CSMD1: variants seen among roughly 807,000 people sequenced by gnomAD.
The protein encoded by CSMD1 is CUB and Sushi multiple domains 1.
CSMD1 carries 213 observed loss-of-function variants against 417.5 expected under a neutral mutation model. The observed-to-expected ratio is 0.51, with a 90% CI of 0.46 to 0.57. CSMD1 has a LOEUF of 0.57. Ranked by LOEUF, CSMD1 falls within the 20% of genes least tolerant of loss-of-function variation. The pLI is 0.00. For synonymous variants in CSMD1, 2,862 were observed against 1,736.8 expected (o/e 1.65, Z -16.11); for missense variants, 6,923 against 4,529.7 (o/e 1.53, Z -15.17).
intron 5 of CSMD1, among the ~76,000 whole-genome samples, chr8:3,912,012 T>C (rs750345813): frequency 6.6e-5 from 10 of 152,226 alleles, no homozygotes; most frequent in South Asian, 2.1e-4. Flanking sequence ...GGATCACCAA[T>C]TGTCATATAG....
intron 10 of CSMD1, among the ~76,000 whole-genome samples, chr8:3,494,830 G>T (rs1164385017): frequency 6.6e-6 from 1 of 152,146 alleles, no homozygotes; most frequent in Non-Finnish European, 1.5e-5. Context: ...GAATGAAACA[G>T]AAATTCTGAA....
chr8:3,582,573 T>C (rs1584919987), intron 9 of CSMD1, among the ~76,000 whole-genome samples: 2 of 152,182 alleles, frequency 1.3e-5, no homozygotes, highest in African/African-American at 4.8e-5. Context: ...TGTCTAAACT[T>C]GCGCTGTCAT....
intron 1 of CSMD1, among the ~76,000 whole-genome samples, chr8:4,842,340 A>G (rs998276996): frequency 2.4e-4 from 36 of 152,240 alleles, no homozygotes; most frequent in African/African-American, 8.7e-4. Flanking sequence ...TGGACTTTTA[A>G]TATCTGACTT....
At chr8:3,018,145 A>T (rs75386347) in intron 52 of CSMD1, among the ~76,000 whole-genome samples, 8,037 of 152,338 alleles carry the variant, frequency 0.053, 222 homozygotes, top group East Asian at 0.071. Context: ...ACATAATTTT[A>T]AAATTTTTAA....
intron 6 of CSMD1, among the ~76,000 whole-genome samples, chr8:3,742,326 G>A (rs1202351125): frequency 3.9e-5 from 6 of 152,158 alleles, no homozygotes; most frequent in Non-Finnish European, 7.4e-5. Context: ...CAGGGAGACA[G>A]TCCATAACTT....
At chr8:4,477,410 C>A (rs1180556235) in intron 2 of CSMD1, among the ~76,000 whole-genome samples, 1 of 152,184 alleles carries the variant, frequency 6.6e-6, no homozygotes, top group Non-Finnish European at 1.5e-5. Context: ...GGACTTGGTG[C>A]TGAGCAAAAT....
intron 26 of CSMD1, among the ~76,000 whole-genome samples, chr8:3,251,491 G>A (rs924679573): frequency 2.3e-4 from 35 of 152,138 alleles, no homozygotes; most frequent in Non-Finnish European, 4.7e-4. Flanking sequence ...TTGAAGTCAG[G>A]TAGCATGATG....
At chr8:3,652,616 A>G (rs1265687686) in intron 7 of CSMD1, among the ~76,000 whole-genome samples, 1 of 152,180 alleles carries the variant, frequency 6.6e-6, no homozygotes, top group East Asian at 1.9e-4. Flanking sequence ...GAGCTCGCGC[A>G]AGGGAGCTCC....
At chr8:3,570,507 C>A (rs1181569080) in intron 10 of CSMD1, among the ~76,000 whole-genome samples, 1 of 152,146 alleles carries the variant, frequency 6.6e-6, no homozygotes, top group Non-Finnish European at 1.5e-5. Flanking sequence ...ACTAAAGCCT[C>A]AGGTGGTTGC....
chr8:4,924,221 G>A (rs1390330782), intron 1 of CSMD1, among the ~76,000 whole-genome samples: 2 of 152,148 alleles, frequency 1.3e-5, no homozygotes, highest in Admixed American at 6.5e-5. Context: ...TTATGATCAT[G>A]TAAGTTTTAT....
At chr8:4,587,624 G>C (rs112801490) in intron 2 of CSMD1, among the ~76,000 whole-genome samples, 3,292 of 152,172 alleles carry the variant, frequency 0.022, 101 homozygotes, top group African/African-American at 0.075. Context: ...ATTGTACTCA[G>C]ACTCATGATC....
In CSMD1 at chr8:4,481,494, G is replaced by T. The variant is rs73660884; in HGVS notation, c.303-61429C>A. 6.4e-3 allele frequency among the ~76,000 whole-genome samples: 977 copies of T among 152,186 alleles called. 9 individuals are homozygous for T. Among genetic ancestry groups the T allele is most frequent in the African/African-American group, 0.023 (949 of 41,490 alleles). On this transcript the variant is annotated intron_variant, in intron 2 of 69. Transcript: ENST00000635120. ...CAGCATGGGAAGGCATATGAGATTTGATCAAATATCTTCTCATTTGCTGTT... is the reference window on the plus strand; with the variant it reads ...CAGCATGGGAAGGCATATGAGATTTTATCAAATATCTTCTCATTTGCTGTT...
At chr8:4,798,301 G>A (rs181513534) in intron 1 of CSMD1, among the ~76,000 whole-genome samples, 257 of 152,140 alleles carry the variant, frequency 1.7e-3, no homozygotes, top group Non-Finnish European at 2.6e-3. Context: ...TGAGAATGAT[G>A]GTTTCTAGCT....
chr8:4,306,744 C>T (rs1429646354), intron 3 of CSMD1, among the ~76,000 whole-genome samples: 1 of 152,100 alleles, frequency 6.6e-6, no homozygotes, highest in Non-Finnish European at 1.5e-5. Flanking sequence ...TGCCCGACCG[C>T]AGCAGGGTAG....
At chr8:4,263,236 G>T (rs987796756) in intron 3 of CSMD1, among the ~76,000 whole-genome samples, 1 of 152,020 alleles carries the variant, frequency 6.6e-6, no homozygotes. Context: ...GTTGGGTAAT[G>T]ATCTAAAAAA....
At chr8:3,788,807 C>T (rs534850938) in intron 5 of CSMD1, among the ~76,000 whole-genome samples, 52 of 152,220 alleles carry the variant, frequency 3.4e-4, no homozygotes, top group East Asian at 1.4e-3. Flanking sequence ...ACAGGACAGA[C>T]GCATTTATGT....
intron 20 of CSMD1, among the ~76,000 whole-genome samples, chr8:3,365,163 A>G (rs950000834): frequency 6.6e-6 from 1 of 152,188 alleles, no homozygotes; most frequent in Non-Finnish European, 1.5e-5. Context: ...TAGTGTTGGG[A>G]AGATTTAAGT....
At chr8:3,468,426 G>T (rs1337715110) in intron 12 of CSMD1, among the ~76,000 whole-genome samples, 4 of 152,144 alleles carry the variant, frequency 2.6e-5, no homozygotes, top group Admixed American at 1.3e-4. Flanking sequence ...ATGGTCAAAA[G>T]ATCCCCACAT....
At chr8:4,638,837 A>G (rs1241906712) in intron 1 of CSMD1, among the ~76,000 whole-genome samples, 4 of 152,204 alleles carry the variant, frequency 2.6e-5, no homozygotes, top group Non-Finnish European at 4.4e-5. Context: ...GCCACTGAGC[A>G]GTGTCTGAGG....
Sources: gnomAD v4.1 joint callset for allele counts (sites outside exome capture counted in the v4.1 genomes callset) on GRCh38, gnomAD v4.1.1 for gene constraint, MANE v1.5 for transcripts, NCBI Gene and HGNC (gene_info 2026-07-23, HGNC 2026-07-21) for gene names.